Variants in MATN2 observed in about 807,000 individuals in gnomAD.
The protein encoded by MATN2 is matrilin 2, also known as matrilin-2.
Under a neutral mutation model 103.2 loss-of-function variants are expected in MATN2, and 69 were observed. The ratio of observed to expected loss-of-function variants is 0.67; its 90% CI spans 0.55 to 0.82. The LOEUF (loss-of-function observed/expected upper bound fraction) is 0.82, where lower values mean the gene tolerates loss of function less well. Ranked by LOEUF, MATN2 falls within the 40% of genes least tolerant of loss-of-function variation. The pLI is 0.00. For synonymous variants in MATN2, 429 were observed against 450.2 expected, an observed-to-expected ratio of 0.95 and a Z score of 0.60; for missense variants, 1,023 against 1,211.5, an observed-to-expected ratio of 0.84 and a Z score of 2.31.
chr8:97,942,436 G>A (rs765569449), intron 4 of MATN2, among the ~76,000 whole-genome samples: 1 of 152,128 alleles, frequency 6.6e-6, no homozygotes, highest in African/African-American at 2.4e-5. Context: ...ATTAGAACTC[G>A]CATTCTCTTT....
At chr8:97,925,831 C>G (rs1304831679) in intron 2 of MATN2, among the ~76,000 whole-genome samples, 1 of 152,134 alleles carries the variant, frequency 6.6e-6, no homozygotes, top group Non-Finnish European at 1.5e-5. Context: ...TGATTTTACC[C>G]TTGTCATGGA....
At chr8:97,989,501 C>A (rs7835393) in intron 6 of MATN2, among the ~76,000 whole-genome samples, 3,269 of 151,322 alleles carry the variant, frequency 0.022, 116 homozygotes, top group African/African-American at 0.076. Context: ...AAGGTAACTG[C>A]CTCAATCTGA....
chr8:97,889,460 T>TATATATATATATATATATAC (rs1818556238), intron 2 of MATN2, among the ~76,000 whole-genome samples: 1 of 1,816 alleles, frequency 5.5e-4, no homozygotes, highest in Non-Finnish European at 1.2e-3. Context: ...TCTCTCTGTC[T>TATATATATATATATATATAC]ATATATATAT....
chr8:97,964,641 T>A (rs1811427226), intron 5 of MATN2, among the ~76,000 whole-genome samples: 2 of 151,842 alleles, frequency 1.3e-5, no homozygotes, highest in Admixed American at 1.3e-4. Flanking sequence ...CCATACATTG[T>A]CTAGGCTGGT....
At position 97,992,618 on chromosome 8, in the gene MATN2, C is replaced by T. The variant is rs58326280; in HGVS notation, c.1082-1862C>T. 2.1e-3 allele frequency among the ~76,000 whole-genome samples: 322 copies of T among 151,716 alleles called. 2 individuals carry two copies. Among genetic ancestry groups the T allele is most frequent in the African/African-American group, 6.9e-3 (287 of 41,322 alleles). ...AAAATTAGCTGGGCACAGTGGCAGG[C>T]GCCTGTAATCCCAACTACTTGGGAG... On this transcript the variant is annotated intron_variant, in intron 6 of 18. Coordinates refer to ENST00000254898, the MANE Select transcript of MATN2 (RefSeq NM_002380.5).
intron 2 of MATN2, among the ~76,000 whole-genome samples, chr8:97,927,928 G>C (rs1175771398): frequency 6.6e-6 from 1 of 152,204 alleles, no homozygotes; most frequent in Non-Finnish European, 1.5e-5. Context: ...AGTCTTGTGT[G>C]AATTTCCCTC....
intron 13 of MATN2, among the ~76,000 whole-genome samples, chr8:98,026,236 A>C (rs1813801098): frequency 1.4e-5 from 2 of 147,670 alleles, no homozygotes; most frequent in East Asian, 2.0e-4. Context: ...ATTTATGGTG[A>C]TAACTTTTTT....
At chr8:97,882,272 T>TTTTTTAATGTATTA in intron 1 of MATN2, among the ~76,000 whole-genome samples, 1 of 152,098 alleles carries the variant, frequency 6.6e-6, no homozygotes, top group South Asian at 2.1e-4. Context: ...CATAATTCCT[T>TTTTTTAATGTATTA]TTTTTAATGT....
intron 14 of MATN2, 113 bp downstream of exon 14, chr8:98,027,942 T>TC (rs1478308703): frequency 9.6e-7 from 1 of 1,043,626 alleles, no homozygotes; most frequent in African/African-American, 1.6e-5. Context: ...CAGAAAGGCC[T>TC]CCTGGCAACT....
intron 2 of MATN2, among the ~76,000 whole-genome samples, chr8:97,916,303 C>T (rs569683829): frequency 6.6e-6 from 1 of 152,274 alleles, no homozygotes; most frequent in Non-Finnish European, 1.5e-5. Flanking sequence ...CTCCTGGCCT[C>T]ACGTGATCTG....
At chr8:97,883,148 A>G (rs1818307281) in intron 1 of MATN2, among the ~76,000 whole-genome samples, 1 of 151,934 alleles carries the variant, frequency 6.6e-6, no homozygotes. Flanking sequence ...TACTAAAAAT[A>G]CAAAAATTAG....
chr8:97,970,774 T>C (rs1481644031), intron 5 of MATN2, among the ~76,000 whole-genome samples: 1 of 151,728 alleles, frequency 6.6e-6, no homozygotes, highest in Non-Finnish European at 1.5e-5. Context: ...ATAGTAAGAC[T>C]CCTGTCTCTA....
intron 2 of MATN2, among the ~76,000 whole-genome samples, chr8:97,922,609 C>T (rs1175068456): frequency 6.6e-6 from 1 of 152,088 alleles, no homozygotes; most frequent in African/African-American, 2.4e-5. Context: ...ACTCAAAGTG[C>T]CATGTTGAAA....
intron 7 of MATN2, among the ~76,000 whole-genome samples, chr8:97,998,519 CAA>C (rs58751449): frequency 0.042 from 4,614 of 111,112 alleles, 182 homozygotes; most frequent in African/African-American, 0.14. Context: ...GACTCTGTCT[CAA>C]AAAAAAAAAA....
chr8:98,023,205 C>T (rs10110611), intron 13 of MATN2, among the ~76,000 whole-genome samples: 10,205 of 152,032 alleles, frequency 0.067, 460 homozygotes, highest in Non-Finnish European at 0.1. Flanking sequence ...TGCAGTGGGC[C>T]GAGATCGTGC....
intron 1 of MATN2, among the ~76,000 whole-genome samples, chr8:97,871,647 A>G (rs940240924): frequency 6.6e-6 from 1 of 152,190 alleles, no homozygotes; most frequent in African/African-American, 2.4e-5. Flanking sequence ...CAAGGGGAGA[A>G]TGGGGAATGT....
intron 6 of MATN2, among the ~76,000 whole-genome samples, chr8:97,988,171 AATAT>A (rs1554611754): frequency 4.3e-5 from 2 of 46,116 alleles, no homozygotes; most frequent in African/African-American, 2.6e-4. Flanking sequence ...AAAAAAAAAA[AATAT>A]ATATATATAT....
chr8:97,973,722 A>G (rs1437588502), intron 5 of MATN2, among the ~76,000 whole-genome samples: 1 of 151,984 alleles, frequency 6.6e-6, no homozygotes, highest in African/African-American at 2.4e-5. Context: ...GGTGCATGCC[A>G]CCATGCCCAG....
chr8:97,943,403 G>GTCTCCT (rs57093769), intron 4 of MATN2, among the ~76,000 whole-genome samples: 2,317 of 146,296 alleles, frequency 0.016, 36 homozygotes, highest in African/African-American at 0.041. Flanking sequence ...CTCCTTCTCT[G>GTCTCCT]TCTCCTTCTC....
Sources: allele counts gnomAD v4.1 joint callset (sites outside exome capture counted in the v4.1 genomes callset), GRCh38; gene constraint gnomAD v4.1.1; transcripts MANE v1.5; gene names NCBI Gene and HGNC (gene_info 2026-07-23, HGNC 2026-07-21).